Variants in KDM4C observed in about 807,000 individuals in gnomAD.
KDM4C encodes lysine demethylase 4C.
A neutral mutation model predicts 129.3 loss-of-function variants in KDM4C; 81 were observed. The ratio of observed to expected loss-of-function variants is 0.63; its 90% confidence interval spans 0.52 to 0.75. The LOEUF (loss-of-function observed/expected upper bound fraction) is 0.75, where lower values mean the gene tolerates loss of function less well. KDM4C is among the 30% of genes least tolerant of loss of function. The probability of loss-of-function intolerance (pLI) is 0.00; values close to 1 mark genes in which losing one functional copy is unlikely to be tolerated. For synonymous variants in KDM4C, 573 were observed against 456.1 expected (o/e 1.26, Z -3.26); for missense variants, 1,457 against 1,304.0 (o/e 1.12, Z -1.81).
chr9:6,961,462 A>C (rs1052224569), intron 8 of KDM4C, among the ~76,000 whole-genome samples: 1 of 152,234 alleles, frequency 6.6e-6, no homozygotes, highest in African/African-American at 2.4e-5. Context: ...TCGTGGTTGT[A>C]TAAACTGTCA....
intron 6 of KDM4C, among the ~76,000 whole-genome samples, chr9:6,886,641 G>A (rs1845316232): frequency 2.0e-5 from 3 of 151,806 alleles, no homozygotes; most frequent in African/African-American, 4.8e-5. Flanking sequence ...ACAGGTGTGC[G>A]TCACCATGCC....
At chr9:7,162,642 A>C (rs1036676849) in intron 19 of KDM4C, among the ~76,000 whole-genome samples, 97 of 152,264 alleles carry the variant, frequency 6.4e-4, no homozygotes, top group African/African-American at 2.3e-3. Flanking sequence ...GTGATATGGT[A>C]CCTAAAATTG....
intron 8 of KDM4C, among the ~76,000 whole-genome samples, chr9:6,960,675 C>T (rs184854445): frequency 1.3e-3 from 201 of 152,314 alleles, no homozygotes; most frequent in African/African-American, 4.7e-3. Flanking sequence ...CACAAATTTT[C>T]ATGTACATGT....
intron 12 of KDM4C, among the ~76,000 whole-genome samples, chr9:6,993,212 G>A (rs1417289): frequency 0.25 from 38,477 of 152,040 alleles, 5,637 homozygotes; most frequent in Non-Finnish European, 0.32. Flanking sequence ...AAAGAATAAT[G>A]ATTAGAATGT....
chr9:6,816,311 G>A (rs994760265), intron 4 of KDM4C, among the ~76,000 whole-genome samples: 24 of 152,230 alleles, frequency 1.6e-4, no homozygotes, highest in African/African-American at 5.8e-4. Context: ...ATGAATTATT[G>A]TAAAGTGAAC....
At position 6,941,417 on chromosome 9, in the gene KDM4C, G is replaced by C. The variant is rs576342328; in HGVS notation, c.922-39508G>C. On this transcript the variant is annotated intron_variant, in intron 8 of 21. Coordinates refer to ENST00000381309, the MANE Select transcript of KDM4C (RefSeq NM_015061.6). Reference sequence around the variant, plus strand: ...TGTTTCTTATAGATGCTGTATATTAGACTTTATCAGAGAGCATATATTTTA... The same window carrying C: ...TGTTTCTTATAGATGCTGTATATTACACTTTATCAGAGAGCATATATTTTA... Among the ~76,000 whole-genome samples the C allele has an allele frequency of 2.6e-5, 4 of 152,026 alleles. No homozygotes were observed. In the East Asian group the frequency reaches 5.8e-4, roughly 22 times the overall value.
intron 19 of KDM4C, among the ~76,000 whole-genome samples, chr9:7,137,644 G>A (rs774344073): frequency 2.6e-5 from 4 of 152,166 alleles, no homozygotes; most frequent in Non-Finnish European, 2.9e-5. Flanking sequence ...TTCCTGTAGC[G>A]CATTTGTAAG....
intron 1 of KDM4C, among the ~76,000 whole-genome samples, chr9:6,743,549 C>A (rs1352670581): frequency 1.3e-5 from 2 of 151,556 alleles, no homozygotes; most frequent in East Asian, 3.9e-4. Context: ...ACTCTGTCAC[C>A]CAGGCTGGAG....
At chr9:6,733,020 A>C (rs904707654) in intron 1 of KDM4C, among the ~76,000 whole-genome samples, 4 of 151,370 alleles carry the variant, frequency 2.6e-5, no homozygotes, top group African/African-American at 4.9e-5. Context: ...CTCAAAAAAT[A>C]AAAAAAAGAA....
At chr9:7,170,117 T>C in intron 21 of KDM4C, 2 of 1,415,880 alleles carry the variant, frequency 1.4e-6, no homozygotes, top group African/African-American at 2.9e-5. Flanking sequence ...AGTCACATGA[T>C]GCTTCTTTGT....
intron 1 of KDM4C, among the ~76,000 whole-genome samples, chr9:6,764,277 T>A (rs1461672889): frequency 6.6e-6 from 1 of 152,218 alleles, no homozygotes; most frequent in East Asian, 1.9e-4. Context: ...TAGATATATG[T>A]AGCATAGAAC....
intron 4 of KDM4C, among the ~76,000 whole-genome samples, chr9:6,837,672 A>G (rs938629077): frequency 3.3e-5 from 5 of 151,942 alleles, no homozygotes; most frequent in East Asian, 3.9e-4. Context: ...CTATTTTTCT[A>G]TTAGATCTTT....
At chr9:6,776,297 C>T (rs1049644600) in intron 1 of KDM4C, among the ~76,000 whole-genome samples, 1 of 152,086 alleles carries the variant, frequency 6.6e-6, no homozygotes, top group Admixed American at 6.6e-5. Context: ...TGGAGTCTCG[C>T]GCTGTTGCCA....
intron 4 of KDM4C, among the ~76,000 whole-genome samples, chr9:6,822,312 C>T (rs1588504738): frequency 1.3e-5 from 2 of 152,278 alleles, no homozygotes; most frequent in South Asian, 2.1e-4. Flanking sequence ...TGTTTGTCAG[C>T]CCCTTATATG....
intron 15 of KDM4C, among the ~76,000 whole-genome samples, chr9:7,017,878 A>C (rs536613763): frequency 6.6e-6 from 1 of 152,330 alleles, no homozygotes; most frequent in Non-Finnish European, 1.5e-5. Flanking sequence ...TAAGTCTGAG[A>C]GTGGTGTCTT....
At chr9:6,801,702 C>T (rs1829019569) in intron 2 of KDM4C, among the ~76,000 whole-genome samples, 1 of 151,780 alleles carries the variant, frequency 6.6e-6, no homozygotes. Context: ...AGAGTATTCT[C>T]CTTGGATATA....
At chr9:6,809,364 A>G (rs750931726) in intron 3 of KDM4C, among the ~76,000 whole-genome samples, 3 of 152,360 alleles carry the variant, frequency 2.0e-5, no homozygotes, top group Non-Finnish European at 1.5e-5. Context: ...GTTTACAAGT[A>G]TAAACTATTG....
intron 17 of KDM4C, among the ~76,000 whole-genome samples, chr9:7,083,137 T>G (rs1033117928): frequency 1.3e-5 from 2 of 152,354 alleles, no homozygotes; most frequent in African/African-American, 4.8e-5. Flanking sequence ...GTCACACACA[T>G]AGACCCATAT....
chr9:6,767,213 A>T (rs1820801395), intron 1 of KDM4C, among the ~76,000 whole-genome samples: 2 of 151,864 alleles, frequency 1.3e-5, no homozygotes, highest in African/African-American at 4.8e-5. Context: ...ATCTCGGCTC[A>T]CTGCAAGCTC....
Sources: allele counts gnomAD v4.1 joint callset (sites outside exome capture counted in the v4.1 genomes callset), GRCh38; gene constraint gnomAD v4.1.1; transcripts MANE v1.5; gene names NCBI Gene and HGNC (gene_info 2026-07-23, HGNC 2026-07-21).